The following TPO variants were observed in gnomAD, a reference collection of about 807,000 sequenced individuals.
TPO encodes thyroid microsomal antigen.
A neutral mutation model predicts 96.9 loss-of-function variants in TPO; 78 were observed. That is an observed-to-expected ratio of 0.81 (90% CI 0.67 to 0.97). TPO has a LOEUF of 0.97. Ranked by LOEUF, TPO falls within the 50% of genes least tolerant of loss-of-function variation. TPO has a pLI of 0.00. For missense variants in TPO, 1,252 were observed against 1,274.8 expected, an observed-to-expected ratio of 0.98 and a Z score of 0.27; for synonymous variants, 547 against 538.0, an observed-to-expected ratio of 1.02 and a Z score of -0.23.
intron 2 of TPO, among the ~76,000 whole-genome samples, chr2:1,419,729 G>A (rs180937423): frequency 1.5e-4 from 23 of 152,286 alleles, no homozygotes; most frequent in African/African-American, 5.1e-4. Flanking sequence ...CTTGGAAAAT[G>A]ATTGTTCTTT....
chr2:1,380,432 T>G (rs939917690), intron 1 of TPO, among the ~76,000 whole-genome samples: 1 of 151,778 alleles, frequency 6.6e-6, no homozygotes, highest in African/African-American at 2.4e-5. Context: ...ATAATTTCCT[T>G]AAGATAGCCA....
intron 3 of TPO, among the ~76,000 whole-genome samples, chr2:1,430,579 G>A: frequency 6.6e-6 from 1 of 152,206 alleles, no homozygotes; most frequent in Non-Finnish European, 1.5e-5. Flanking sequence ...AGATCCACCA[G>A]CAGCTTGCAC....
At chr2:1,441,401 G>T (rs908841149) in intron 5 of TPO, among the ~76,000 whole-genome samples, 1 of 152,188 alleles carries the variant, frequency 6.6e-6, no homozygotes, top group African/African-American at 2.4e-5. Context: ...TTAACAAGGG[G>T]GTGTGTGTGC....
chr2:1,496,696 G>A lies in TPO; in HGVS notation c.2317G>A (p.Glu773Lys). The A allele has an allele frequency of 1.2e-6, 2 of 1,614,082 alleles. No homozygotes were observed. The highest frequency in any genetic ancestry group is 1.7e-6 in the Non-Finnish European group (2 of 1,180,038). The change falls in exon 13 of 17, where the codon GAG (glutamate) becomes AAG (lysine). Residue 773 changes from glutamate (E) to lysine (K), a missense_variant. Glu to Lys is a moderately conservative substitution (Grantham distance 56). Coordinates refer to ENST00000329066, the MANE Select transcript of TPO (RefSeq NM_001206744.2). ...GGTGTATTCCTGCCGGCACGGGTAT[G>A]AGCTCCAAGGCCGGGAGCAGCTCAC... ...VLVYSCRHGY[E>K]LQGREQLTCT...
intron 8 of TPO, among the ~76,000 whole-genome samples, chr2:1,479,262 G>A (rs1358689352): frequency 6.6e-6 from 1 of 152,234 alleles, no homozygotes; most frequent in Non-Finnish European, 1.5e-5. Flanking sequence ...CGGCGCTCCT[G>A]TCTGCTTCCT....
At chr2:1,489,743 A>T (rs1314318244) in intron 10 of TPO, among the ~76,000 whole-genome samples, 1 of 152,274 alleles carries the variant, frequency 6.6e-6, no homozygotes, top group Admixed American at 6.5e-5. Context: ...AACAGGAGTA[A>T]GACCAGCGCA....
chr2:1,542,306 C>T (rs961895941), intron 16 of TPO, 115 bp from the exon 17 acceptor site: 27 of 1,382,154 alleles, frequency 2.0e-5, no homozygotes, highest in African/African-American at 8.6e-5. Flanking sequence ...ATCTCGCCAG[C>T]GGTCCTTTGT....
intron 1 of TPO, among the ~76,000 whole-genome samples, chr2:1,407,616 C>G (rs1662266592): frequency 6.6e-6 from 1 of 152,198 alleles, no homozygotes; most frequent in African/African-American, 2.4e-5. Flanking sequence ...CACAAAGTTA[C>G]TTGGTCATAC....
intron 5 of TPO, among the ~76,000 whole-genome samples, chr2:1,443,740 G>A (rs13006647): frequency 2.6e-4 from 11 of 42,888 alleles, no homozygotes; most frequent in Admixed American, 5.9e-4. Context: ...TCATTGCTGC[G>A]GGAGGCACCA....
At chr2:1,538,422 T>C (rs1378272551) in intron 15 of TPO, among the ~76,000 whole-genome samples, 1 of 152,186 alleles carries the variant, frequency 6.6e-6, no homozygotes, top group Non-Finnish European at 1.5e-5. Flanking sequence ...AAGTCAGGAT[T>C]ATTTGACAAG....
At chr2:1,385,194 G>T (rs951204183) in intron 1 of TPO, among the ~76,000 whole-genome samples, 6 of 152,150 alleles carry the variant, frequency 3.9e-5, no homozygotes, top group African/African-American at 1.4e-4. Context: ...TCTCTGCCAG[G>T]CTTTGGTATC....
intron 2 of TPO, among the ~76,000 whole-genome samples, chr2:1,421,805 G>C (rs1469539845): frequency 6.6e-6 from 1 of 152,260 alleles, no homozygotes; most frequent in Admixed American, 6.5e-5. Context: ...GCGACGCCCA[G>C]GCCGCCCCTC....
upstream of TPO, among the ~76,000 whole-genome samples, chr2:1,409,780 A>T (rs1662299592): frequency 8.2e-6 from 1 of 121,846 alleles, no homozygotes. Flanking sequence ...TTAAAAATAC[A>T]AAAAACAGTG....
At chr2:1,434,818 G>A (rs773516326) in intron 4 of TPO, among the ~76,000 whole-genome samples, 5 of 152,176 alleles carry the variant, frequency 3.3e-5, no homozygotes, top group Admixed American at 3.3e-4. Flanking sequence ...AACCTAAAAA[G>A]GTTTCCCATT....
rs753357642 is a variant in TPO at position 1,477,297 on chromosome 2, C to G, written c.1031C>G (p.Thr344Ser). The G allele has an allele frequency of 6.3e-7, 1 of 1,589,092 alleles. No homozygotes were observed. The highest frequency in any genetic ancestry group is 1.1e-5 in the South Asian group (1 of 87,252). ...PALERQLRNW[T>S]SAEGLLRVHA... ...CTAGAGAGGCAGCTGCGGAACTGGA[C>G]CAGTGCCGAAGGGCTGCTCCGCGTC... The change falls in exon 8 of 17, where the codon ACC (threonine) becomes AGC (serine). Residue 344 changes from threonine (T) to serine (S), a missense_variant. By Grantham distance (58) the Thr-to-Ser change is moderately conservative. Coordinates refer to ENST00000329066, the MANE Select transcript of TPO (RefSeq NM_001206744.2).
intron 1 of TPO, among the ~76,000 whole-genome samples, chr2:1,385,247 T>G (rs551445296): frequency 6.6e-5 from 10 of 152,328 alleles, no homozygotes; most frequent in South Asian, 2.1e-4. Flanking sequence ...GAGGATTCCC[T>G]CTTTTTGTAT....
upstream of TPO, among the ~76,000 whole-genome samples, chr2:1,410,848 T>A (rs1662321812): frequency 6.6e-6 from 1 of 152,164 alleles, no homozygotes; most frequent in Admixed American, 6.5e-5. Flanking sequence ...AGAAGACGTG[T>A]ATTTTTTTCT....
chr2:1,501,872 GC>G (rs1672909454), intron 13 of TPO, among the ~76,000 whole-genome samples: 1 of 152,106 alleles, frequency 6.6e-6, no homozygotes, highest in African/African-American at 2.4e-5. Flanking sequence ...CTTGGAGGAT[GC>G]ATTTCTGTTG....
chr2:1,469,380 C>A (rs1669178863), intron 7 of TPO, among the ~76,000 whole-genome samples: 1 of 152,208 alleles, frequency 6.6e-6, no homozygotes, highest in African/African-American at 2.4e-5. Flanking sequence ...TGTTCAGATT[C>A]TTTCGCCCCA....
Sources: gnomAD v4.1 joint callset for allele counts (sites outside exome capture counted in the v4.1 genomes callset) on GRCh38, gnomAD v4.1.1 for gene constraint, MANE v1.5 for transcripts, NCBI Gene and HGNC (gene_info 2026-07-23, HGNC 2026-07-21) for gene names.